CDHR3: variants seen among roughly 807,000 people sequenced by gnomAD.
CDHR3 encodes the protein cadherin-related family member 3.
CDHR3 carries 79 observed loss-of-function variants against 86.6 expected under a neutral mutation model. That is an observed-to-expected ratio of 0.91 (90% CI 0.76 to 1.10). The LOEUF is 1.10. Among genes scored for constraint, CDHR3 ranks in the 50% least tolerant of loss-of-function variants. The pLI is 0.00. For synonymous variants in CDHR3, 421 were observed against 402.4 expected, an observed-to-expected ratio of 1.05 and a Z score of -0.55; for missense variants, 1,081 against 1,077.6, an observed-to-expected ratio of 1.00 and a Z score of -0.04.
intron 5 of CDHR3, among the ~76,000 whole-genome samples, chr7:105,995,059 A>G (rs546904693): frequency 1.1e-4 from 17 of 152,216 alleles, no homozygotes; most frequent in Non-Finnish European, 1.9e-4. Flanking sequence ...GAGAACAAGA[A>G]TGACAGTATG....
chr7:106,029,532 CCT>C (rs1302528976), intron 17 of CDHR3, among the ~76,000 whole-genome samples: 2 of 149,606 alleles, frequency 1.3e-5, no homozygotes, highest in African/African-American at 5.0e-5. Flanking sequence ...TGGAAAGTTC[CCT>C]CTCCTCCACC....
Position 106,022,399 on chromosome 7 carries a change from G to C in CDHR3, c.2027G>C (p.Ser676Thr). 6.2e-7 allele frequency: 1 copy of C among 1,614,030 alleles called. No homozygotes were observed. The highest frequency in any genetic ancestry group is 8.5e-7 in the Non-Finnish European group (1 of 1,179,892). Residue 676 changes from serine (S) to threonine (T), a missense_variant, in exon 14 of 19, where the codon AGT (serine) becomes ACT (threonine). Coordinates refer to ENST00000317716, the MANE Select transcript of CDHR3 (RefSeq NM_152750.5). ...ALVETGTVTL[S>T]IKVIPHPTTI... ...GTTGAGACAGGAACAGTGACACTGA[G>C]TATTAAAGTCATTCCCCACCCAACC...
intron 17 of CDHR3, among the ~76,000 whole-genome samples, chr7:106,028,941 TTTC>T (rs1563312055): frequency 4.2e-4 from 59 of 139,482 alleles, no homozygotes; most frequent in African/African-American, 1.4e-3. Context: ...TCTTTCTTTC[TTTC>T]TTTCTTTCTT....
At chr7:105,989,549 C>T (rs1205710588) in intron 4 of CDHR3, among the ~76,000 whole-genome samples, 1 of 152,072 alleles carries the variant, frequency 6.6e-6, no homozygotes, top group East Asian at 1.9e-4. Flanking sequence ...TTTGGGAGCG[C>T]AGCAGGGGCC....
At chr7:105,993,411 T>C (rs1311722692) in intron 4 of CDHR3, among the ~76,000 whole-genome samples, 1 of 152,086 alleles carries the variant, frequency 6.6e-6, no homozygotes, top group Non-Finnish European at 1.5e-5. Flanking sequence ...GGCTCATGCC[T>C]GTAATCCCAG....
intron 7 of CDHR3, among the ~76,000 whole-genome samples, chr7:106,002,756 A>C (rs1833393524): frequency 6.6e-6 from 1 of 152,252 alleles, no homozygotes; most frequent in Non-Finnish European, 1.5e-5. Context: ...ATTTTTAACA[A>C]GTAAAAAGAA....
chr7:105,997,416 T>G (rs1203540481), intron 6 of CDHR3, among the ~76,000 whole-genome samples: 1 of 152,194 alleles, frequency 6.6e-6, no homozygotes, highest in Non-Finnish European at 1.5e-5. Context: ...CTGCTGCTAT[T>G]AAATGGCTAT....
At chr7:105,993,701 A>T (rs1289475176) in intron 4 of CDHR3, among the ~76,000 whole-genome samples, 4 of 150,244 alleles carry the variant, frequency 2.7e-5, no homozygotes, top group Non-Finnish European at 5.9e-5. Context: ...AAAAAAAAAA[A>T]AAAAGAAGAA....
intron 6 of CDHR3, among the ~76,000 whole-genome samples, chr7:105,997,453 C>T (rs534300177): frequency 1.3e-5 from 2 of 152,202 alleles, no homozygotes; most frequent in African/African-American, 4.8e-5. Flanking sequence ...GCACCTGATG[C>T]TGGGTTAGGT....
intron 16 of CDHR3, among the ~76,000 whole-genome samples, chr7:106,027,118 T>G (rs569374399): frequency 1.3e-4 from 20 of 152,272 alleles, no homozygotes; most frequent in Non-Finnish European, 2.6e-4. Context: ...CAGATAAGGC[T>G]GGGCGCAGTG....
chr7:106,024,842 G>C (rs544657209), intron 15 of CDHR3, among the ~76,000 whole-genome samples: 45 of 152,162 alleles, frequency 3.0e-4, no homozygotes, highest in Non-Finnish European at 5.7e-4. Context: ...TCAACCTTCT[G>C]ATGACCTTGC....
chr7:106,012,513 G>A, intron 8 of CDHR3, among the ~76,000 whole-genome samples: 1 of 152,120 alleles, frequency 6.6e-6, no homozygotes, highest in South Asian at 2.1e-4. Context: ...ACAAGGAGAA[G>A]AGCTAGTGGG....
chr7:105,981,748 C>G (rs1206591739), intron 3 of CDHR3, among the ~76,000 whole-genome samples: 1 of 152,128 alleles, frequency 6.6e-6, no homozygotes, highest in Non-Finnish European at 1.5e-5. Context: ...TAATGTGCTT[C>G]TGAACCAAAC....
At position 106,028,619 on chromosome 7, in the gene CDHR3, C is replaced by CTGGGGGATAGGGGCTCCCG. The variant is rs1414089037; in HGVS notation, c.2304+39_2304+57dup. The CTGGGGGATAGGGGCTCCCG allele has an allele frequency of 2.7e-5, 44 of 1,612,468 alleles. 1 individual carries two copies. In the East Asian group the frequency reaches 4.9e-4, roughly 18 times the overall value. On this transcript the variant is annotated intron_variant, in intron 17 of 18. Coordinates refer to ENST00000317716, the MANE Select transcript of CDHR3 (RefSeq NM_152750.5). ...CAGTGTGGGGCACCAGGCATAGACG[C>CTGGGGGATAGGGGCTCCCG]TGGGGGATAGGGGCTCCCGTCTCCC...
At chr7:106,029,216 A>G (rs1837953945) in intron 17 of CDHR3, among the ~76,000 whole-genome samples, 1 of 152,040 alleles carries the variant, frequency 6.6e-6, no homozygotes, top group African/African-American at 2.4e-5. Context: ...CCTGACCTCA[A>G]GTGATCCACC....
chr7:106,015,156 G>C lies in CDHR3; in HGVS notation c.1270G>C (p.Gly424Arg), dbSNP rs373722891. Residue 424 changes from glycine to arginine, a missense_variant, in exon 10 of 19, where the codon GGC becomes CGC. Coordinates refer to ENST00000317716, the MANE Select transcript of CDHR3 (RefSeq NM_152750.5). Reference sequence around the variant, plus strand: ...CGAAAATCCAAGTAACCTAGCAGCCGGCAATAAATATACGGTGATAATCCA... The same window carrying C: ...CGAAAATCCAAGTAACCTAGCAGCCCGCAATAAATATACGGTGATAATCCA... The part of the protein sequence containing the change: ...DYENPSNLAA[G>R]NKYTVIIQVQ... The C allele has an allele frequency of 6.2e-7, 1 of 1,611,334 alleles. No homozygotes were observed. Among genetic ancestry groups the C allele is most frequent in the Admixed American group, 1.7e-5 (1 of 59,772 alleles).
chr7:106,000,809 G>C (rs144731802), intron 6 of CDHR3, among the ~76,000 whole-genome samples: 1 of 149,976 alleles, frequency 6.7e-6, no homozygotes, highest in Admixed American at 6.7e-5. Flanking sequence ...TTCTTCAGGG[G>C]ACCTATTTCT....
At chr7:105,964,193 G>A (rs1407756427) in intron 1 of CDHR3, among the ~76,000 whole-genome samples, 1 of 152,038 alleles carries the variant, frequency 6.6e-6, no homozygotes, top group African/African-American at 2.4e-5. Flanking sequence ...TTTCTTAGGA[G>A]TATTTTGAGG....
At chr7:106,020,049 G>GT (rs1491510230) in intron 12 of CDHR3, among the ~76,000 whole-genome samples, 110 of 97,714 alleles carry the variant, frequency 1.1e-3, no homozygotes, top group Middle Eastern at 0.013. Flanking sequence ...GTGTGTGTGT[G>GT]GGGGGGGGGC....
Sources: gnomAD v4.1 joint callset for allele counts (sites outside exome capture counted in the v4.1 genomes callset) on GRCh38, gnomAD v4.1.1 for gene constraint, MANE v1.5 for transcripts, NCBI Gene and HGNC (gene_info 2026-07-23, HGNC 2026-07-21) for gene names.